SOX5: variants seen among roughly 807,000 people sequenced by gnomAD.
SOX5 encodes the protein transcription factor SOX-5.
A neutral mutation model predicts 92.0 loss-of-function variants in SOX5; 9 were observed. The observed-to-expected ratio is 0.10, with a 90% CI of 0.06 to 0.17. SOX5 has a LOEUF of 0.17. SOX5 is among the 10% of genes least tolerant of loss of function. SOX5 has a pLI of 1.00. For missense variants in SOX5, 642 were observed against 944.5 expected (o/e 0.68, Z 4.20); for synonymous variants, 344 against 336.3 (o/e 1.02, Z -0.25).
rs189721290 is a variant in SOX5, at chr12:23,603,721, T to C, written c.1164+666A>G. 7.4e-3 allele frequency among the ~76,000 whole-genome samples: 1,126 copies of C among 152,156 alleles called. 13 individuals carry two copies. Among genetic ancestry groups the C allele is most frequent in the African/African-American group, 0.026 (1,075 of 41,548 alleles). On this transcript the variant is annotated intron_variant, in intron 9 of 14. Coordinates refer to ENST00000451604, the MANE Select transcript of SOX5 (RefSeq NM_006940.6). ...ATTATTTGACTTTTCCCTGATCCTTTTCCATGTGTTCTAATGTTTTCTTAG... is the reference window on the plus strand; with the variant it reads ...ATTATTTGACTTTTCCCTGATCCTTCTCCATGTGTTCTAATGTTTTCTTAG...
At chr12:24,487,385 C>T (rs1946625660) in intron 1 of SOX5, among the ~76,000 whole-genome samples, 1 of 152,070 alleles carries the variant, frequency 6.6e-6, no homozygotes, top group Non-Finnish European at 1.5e-5. Context: ...CCAAACTAAA[C>T]TACATTATAT....
chr12:24,374,890 G>T (rs2136296937), intron 1 of SOX5, among the ~76,000 whole-genome samples: 1 of 152,346 alleles, frequency 6.6e-6, no homozygotes, highest in South Asian at 2.1e-4. Flanking sequence ...AGTCACTAGG[G>T]TGACACGCAA....
chr12:24,201,378 T>C (rs558059005), intron 4 of SOX5, among the ~76,000 whole-genome samples: 1 of 152,250 alleles, frequency 6.6e-6, no homozygotes, highest in East Asian at 1.9e-4. Context: ...CATAGTCTTA[T>C]ACACAAACAT....
At chr12:23,673,770 T>A (rs79405093) in intron 6 of SOX5, among the ~76,000 whole-genome samples, 15,743 of 152,090 alleles carry the variant, frequency 0.1, 1,087 homozygotes, top group Middle Eastern at 0.16. Context: ...TCGGGAGGGA[T>A]GAACTGGGGA....
At chr12:23,919,750 C>T (rs2097461793) in intron 1 of SOX5, among the ~76,000 whole-genome samples, 1 of 152,172 alleles carries the variant, frequency 6.6e-6, no homozygotes, top group Non-Finnish European at 1.5e-5. Context: ...AGCCTTTCAC[C>T]TCACAGTCTA....
At chr12:24,370,503 T>G (rs1956624347) in intron 1 of SOX5, among the ~76,000 whole-genome samples, 1 of 123,658 alleles carries the variant, frequency 8.1e-6, no homozygotes, top group Non-Finnish European at 1.7e-5. Flanking sequence ...AAAGATGTAT[T>G]GGTTTTGGCC....
chr12:23,963,165 T>C (rs1188068546), intron 4 of SOX5, among the ~76,000 whole-genome samples: 2 of 152,184 alleles, frequency 1.3e-5, no homozygotes, highest in Non-Finnish European at 2.9e-5. Context: ...AATGGATGTA[T>C]CTAAGTACCA....
intron 4 of SOX5, among the ~76,000 whole-genome samples, chr12:24,199,223 G>A (rs576657147): frequency 2.2e-4 from 33 of 152,148 alleles, no homozygotes; most frequent in Non-Finnish European, 4.3e-4. Context: ...CAGGACAACG[G>A]TACAATGCGT....
intron 11 of SOX5, among the ~76,000 whole-genome samples, chr12:23,553,679 G>A (rs989847023): frequency 6.6e-6 from 1 of 152,030 alleles, no homozygotes; most frequent in Non-Finnish European, 1.5e-5. Flanking sequence ...AAATCAGAAG[G>A]GTTAATGTGA....
In SOX5 at chr12:23,736,276, A is replaced by G. The variant is rs2093589859; in HGVS notation, c.742-1524T>C. Among the ~76,000 whole-genome samples the G allele has an allele frequency of 2.6e-5, 4 of 152,068 alleles. No individual in the cohort carries two copies. The South Asian group carries it at 8.3e-4, about 31-fold the overall frequency. On this transcript the variant is annotated intron_variant, in intron 5 of 14. Coordinates refer to ENST00000451604, the MANE Select transcript of SOX5 (RefSeq NM_006940.6). ...GGAGATCAAGACCATCCTGGCTAAC[A>G]GGGTGAAACCCCATCTCTACTAAAA...
chr12:24,529,055 A>C (rs527635607), intron 1 of SOX5, among the ~76,000 whole-genome samples: 1 of 152,350 alleles, frequency 6.6e-6, no homozygotes, highest in South Asian at 2.1e-4. Flanking sequence ...GAAAGAAAGA[A>C]AGTGAAAGAG....
At chr12:23,756,519 A>G (rs897249987) in intron 3 of SOX5, among the ~76,000 whole-genome samples, 4 of 151,964 alleles carry the variant, frequency 2.6e-5, no homozygotes, top group Non-Finnish European at 5.9e-5. Flanking sequence ...AAAAACTCCC[A>G]AACATTAAAC....
At chr12:23,566,727 T>C (rs1947172399) in intron 10 of SOX5, among the ~76,000 whole-genome samples, 1 of 152,344 alleles carries the variant, frequency 6.6e-6, no homozygotes, top group East Asian at 1.9e-4. Context: ...AACAGAAATG[T>C]CAAGATTAAG....
chr12:24,427,049 C>T (rs1966841127), intron 1 of SOX5, among the ~76,000 whole-genome samples: 1 of 152,146 alleles, frequency 6.6e-6, no homozygotes, highest in Non-Finnish European at 1.5e-5. Context: ...CATGCCGTCT[C>T]ACTTGAGGAA....
intron 4 of SOX5, among the ~76,000 whole-genome samples, chr12:24,188,432 T>C (rs7299432): frequency 0.56 from 84,528 of 151,950 alleles, 23,619 homozygotes; most frequent in East Asian, 0.61. Flanking sequence ...GCAACAAGTA[T>C]TTATTCAATA....
At chr12:24,142,968 G>C (rs925234449) in intron 4 of SOX5, among the ~76,000 whole-genome samples, 1 of 151,968 alleles carries the variant, frequency 6.6e-6, no homozygotes, top group Admixed American at 6.6e-5. Context: ...GCAGGGAAAA[G>C]AGCCACTCAA....
intron 2 of SOX5, among the ~76,000 whole-genome samples, chr12:24,281,829 T>C (rs1945239907): frequency 6.6e-6 from 1 of 152,170 alleles, no homozygotes; most frequent in Non-Finnish European, 1.5e-5. Flanking sequence ...GCTAAAGTAC[T>C]CTTGACACAG....
chr12:23,661,057 A>T (rs1246254439), intron 7 of SOX5, among the ~76,000 whole-genome samples: 1 of 152,194 alleles, frequency 6.6e-6, no homozygotes, highest in Non-Finnish European at 1.5e-5. Context: ...TATATTTCAT[A>T]TTCAGTTTGA....
chr12:23,895,782 G>A lies in SOX5; in HGVS notation c.270+11C>T. On this transcript the variant is annotated intron_variant, in intron 2 of 14. Coordinates refer to ENST00000451604, the MANE Select transcript of SOX5 (RefSeq NM_006940.6). ...AGTGAGTGTAGGCACAATAAACCAT[G>A]AGAAACCTACCATTGTATTGTGCTG... 1 of 1,583,272 alleles carries A rather than the reference G, an allele frequency of 6.3e-7. No individual in the cohort carries two copies. Among genetic ancestry groups the A allele is most frequent in the African/African-American group, 1.3e-5 (1 of 74,444 alleles).
Sources: gnomAD v4.1 joint callset for allele counts (sites outside exome capture counted in the v4.1 genomes callset) on GRCh38, gnomAD v4.1.1 for gene constraint, MANE v1.5 for transcripts, NCBI Gene and HGNC (gene_info 2026-07-23, HGNC 2026-07-21) for gene names.